Variants in SPRR2G observed in about 807,000 individuals in gnomAD.
The protein encoded by SPRR2G is small proline rich protein 2G.
A neutral mutation model predicts 0.7 loss-of-function variants in SPRR2G; 1 was observed. The ratio of observed to expected loss-of-function variants is 1.49; its 90% CI spans 0.53 to 7.06. The LOEUF (loss-of-function observed/expected upper bound fraction) is 7.06, where lower values mean the gene tolerates loss of function less well. SPRR2G is among the 30% of genes most tolerant of loss of function. The pLI, the probability that SPRR2G is intolerant of heterozygous loss-of-function variation, is 0.14. For missense variants in SPRR2G, 96 were observed against 88.5 expected (o/e 1.09, Z -0.34); for synonymous variants, 38 against 33.9 (o/e 1.12, Z -0.42).
chr1:153,186,591 T>C, the SPRR2G span, among the ~76,000 whole-genome samples: 1 of 152,202 alleles, frequency 6.6e-6, no homozygotes, highest in African/African-American at 2.4e-5. Flanking sequence ...CCTATGTGTG[T>C]CTTTGCAAGT....
chr1:153,167,166 T>G, the SPRR2G span, among the ~76,000 whole-genome samples: 7 of 152,188 alleles, frequency 4.6e-5, no homozygotes, highest in Non-Finnish European at 1.0e-4. Flanking sequence ...AAGAGACCCT[T>G]TGTTTTGGAA....
chr1:153,155,015 T>C (rs373133198), upstream of SPRR2G, among the ~76,000 whole-genome samples: 6 of 152,278 alleles, frequency 3.9e-5, no homozygotes, highest in African/African-American at 1.4e-4. Flanking sequence ...CTTAATATTC[T>C]CCTACTCCTG....
chr1:153,159,900 T>C, the SPRR2G span, among the ~76,000 whole-genome samples: 4 of 152,202 alleles, frequency 2.6e-5, no homozygotes, highest in African/African-American at 9.6e-5. Flanking sequence ...GGTCCCTCCC[T>C]TGAAATGTGG....
chr1:153,199,796 G>A, the SPRR2G span, among the ~76,000 whole-genome samples: 2 of 152,004 alleles, frequency 1.3e-5, no homozygotes, highest in Non-Finnish European at 2.9e-5. Flanking sequence ...GATTCTAAAA[G>A]TCAAGGGCAT....
In SPRR2G at chr1:153,149,710, A is replaced by C. The variant is rs912177232; in HGVS notation, c.*179T>G. 1 of 771,362 alleles carries C rather than the reference A, an allele frequency of 1.3e-6. No individual in the cohort carries two copies. The highest frequency in any genetic ancestry group is 2.1e-6 in the Non-Finnish European group (1 of 478,442). The allele number at this position is 771,362 out of a possible 1,614,324, so 47.8% of individuals were successfully genotyped here. A position where few individuals can be genotyped will look rare whatever the true frequency, so the allele number is the denominator to read the frequency against. On this transcript the variant is annotated 3_prime_UTR_variant, in exon 2 of 2. Coordinates refer to ENST00000368748, the MANE Select transcript of SPRR2G (RefSeq NM_001014291.4). ...AGATTAGGCAGTGATCTGGCTGCTC[A>C]TCTTCCAACAACATATCGGTTTTCA...
the SPRR2G span, among the ~76,000 whole-genome samples, chr1:153,182,230 G>A: frequency 1.3e-5 from 2 of 152,132 alleles, no homozygotes; most frequent in Admixed American, 1.3e-4. Flanking sequence ...AGAAATGTCT[G>A]TTTAGATCCT....
At chr1:153,157,683 G>C in the SPRR2G span, among the ~76,000 whole-genome samples, 1 of 151,954 alleles carries the variant, frequency 6.6e-6, no homozygotes, top group African/African-American at 2.4e-5. Context: ...GGTTTGGGTT[G>C]GGTTTGGGTA....
chr1:153,173,889 G>A, the SPRR2G span, among the ~76,000 whole-genome samples: 3 of 152,202 alleles, frequency 2.0e-5, no homozygotes, highest in Admixed American at 1.3e-4. Flanking sequence ...TGGACTCCTC[G>A]GGAAATTTTA....
chr1:153,183,379 G>A, the SPRR2G span, among the ~76,000 whole-genome samples: 2 of 151,648 alleles, frequency 1.3e-5, no homozygotes, highest in Admixed American at 1.3e-4. Context: ...GAGCCACCGC[G>A]CCTGGCCCCT....
the SPRR2G span, among the ~76,000 whole-genome samples, chr1:153,166,999 C>A: frequency 6.6e-6 from 1 of 152,056 alleles, no homozygotes; most frequent in African/African-American, 2.4e-5. Context: ...AGAAGAGGGG[C>A]CGAGATCCAG....
chr1:153,173,972 A>G, the SPRR2G span, among the ~76,000 whole-genome samples: 276 of 152,266 alleles, frequency 1.8e-3, 2 homozygotes, highest in African/African-American at 6.2e-3. Flanking sequence ...CACATTTTTT[A>G]CTTTGTTATA....
chr1:153,193,784 T>G, the SPRR2G span, among the ~76,000 whole-genome samples: 1 of 152,098 alleles, frequency 6.6e-6, no homozygotes, highest in South Asian at 2.1e-4. Context: ...CTGAGTAAAT[T>G]AGACCTGCCT....
At chr1:153,202,610 C>G in the SPRR2G span, among the ~76,000 whole-genome samples, 21 of 152,268 alleles carry the variant, frequency 1.4e-4, no homozygotes, top group African/African-American at 3.9e-4. Context: ...GGCACCCAGA[C>G]CCATGACTGC....
At chr1:153,183,526 A>G in the SPRR2G span, among the ~76,000 whole-genome samples, 1 of 152,018 alleles carries the variant, frequency 6.6e-6, no homozygotes, top group Non-Finnish European at 1.5e-5. Flanking sequence ...TCTTTTGACA[A>G]GTGTCTGTTC....
At chr1:153,201,783 T>C in the SPRR2G span, among the ~76,000 whole-genome samples, 28 of 152,246 alleles carry the variant, frequency 1.8e-4, no homozygotes, top group African/African-American at 6.5e-4. Context: ...CATGATCTTC[T>C]ATTCAATAAA....
chr1:153,201,563 T>G, the SPRR2G span, among the ~76,000 whole-genome samples: 1 of 152,172 alleles, frequency 6.6e-6, no homozygotes, highest in African/African-American at 2.4e-5. Flanking sequence ...GAGAGAGAGC[T>G]GATGAACAAT....
chr1:153,186,861 G>A, the SPRR2G span, among the ~76,000 whole-genome samples: 1 of 152,020 alleles, frequency 6.6e-6, no homozygotes, highest in Non-Finnish European at 1.5e-5. Flanking sequence ...CATATTTAGT[G>A]CTTCCTTCAG....
the SPRR2G span, among the ~76,000 whole-genome samples, chr1:153,158,872 C>A: frequency 2.0e-5 from 3 of 152,220 alleles, no homozygotes; most frequent in Non-Finnish European, 4.4e-5. Context: ...GACTTGCACC[C>A]TTTGCAGGAA....
At chr1:153,188,951 C>T in the SPRR2G span, among the ~76,000 whole-genome samples, 1 of 152,296 alleles carries the variant, frequency 6.6e-6, no homozygotes, top group East Asian at 1.9e-4. Context: ...AACGCCCCAC[C>T]CTGCTTCTGC....
Sources: gnomAD v4.1 joint callset for allele counts (sites outside exome capture counted in the v4.1 genomes callset) on GRCh38, gnomAD v4.1.1 for gene constraint, MANE v1.5 for transcripts, NCBI Gene and HGNC (gene_info 2026-07-23, HGNC 2026-07-21) for gene names.